The following LINGO2 variants were observed in gnomAD, a reference collection of about 807,000 sequenced individuals.
The protein encoded by LINGO2 is leucine-rich repeat and immunoglobulin-like domain-containing nogo receptor-interacting protein 2.
In LINGO2, 14 loss-of-function variants were observed where a neutral mutation model predicts 30.6. The observed-to-expected ratio is 0.46, with a 90% CI of 0.30 to 0.72. The LOEUF (loss-of-function observed/expected upper bound fraction) is 0.72, where lower values mean the gene tolerates loss of function less well. Ranked by LOEUF, LINGO2 falls within the 30% of genes least tolerant of loss-of-function variation. LINGO2 has a pLI of 0.07. For synonymous variants in LINGO2, 317 were observed against 288.5 expected (o/e 1.10, Z -1.00); for missense variants, 729 against 751.7 (o/e 0.97, Z 0.35).
chr9:28,861,082 TAATATA>T, the LINGO2 span, among the ~76,000 whole-genome samples: 6 of 123,242 alleles, frequency 4.9e-5, no homozygotes, highest in Admixed American at 4.1e-4. Flanking sequence ...TATAAATATA[TAATATA>T]AATTATATAA....
At chr9:28,094,894 C>T (rs181786218) in intron 4 of LINGO2, among the ~76,000 whole-genome samples, 1 of 152,136 alleles carries the variant, frequency 6.6e-6, no homozygotes, top group East Asian at 1.9e-4. Flanking sequence ...AAGCATAATG[C>T]ACTCTACATG....
chr9:29,109,738 G>T, the LINGO2 span, among the ~76,000 whole-genome samples: 2 of 152,160 alleles, frequency 1.3e-5, no homozygotes, highest in Non-Finnish European at 2.9e-5. Context: ...CTTTTGCAAC[G>T]CATAGAGTTA....
At chr9:29,033,398 A>ATATATATATATATC in the LINGO2 span, among the ~76,000 whole-genome samples, 2 of 149,764 alleles carry the variant, frequency 1.3e-5, no homozygotes, top group African/African-American at 4.9e-5. Flanking sequence ...ATATATATAT[A>ATATATATATATATC]TCTCTTCTAT....
the LINGO2 span, among the ~76,000 whole-genome samples, chr9:29,124,260 C>T: frequency 2.6e-4 from 39 of 152,028 alleles, no homozygotes; most frequent in Admixed American, 2.0e-3. Flanking sequence ...CAAAAATTAA[C>T]TCAAGATGGA....
At chr9:28,338,872 T>C (rs1825674386) in intron 3 of LINGO2, among the ~76,000 whole-genome samples, 2 of 152,086 alleles carry the variant, frequency 1.3e-5, no homozygotes, top group Admixed American at 1.3e-4. Flanking sequence ...GGTAACTTTA[T>C]TAGCAGTGTG....
chr9:28,842,074 A>AGGACATATGAAACTGAACTC, the LINGO2 span, among the ~76,000 whole-genome samples: 1 of 150,978 alleles, frequency 6.6e-6, no homozygotes, highest in Non-Finnish European at 1.5e-5. Context: ...AAACTGAACT[A>AGGACATATGAAACTGAACTC]AGACAAATGA....
chr9:29,089,873 C>T, the LINGO2 span, among the ~76,000 whole-genome samples: 12 of 151,862 alleles, frequency 7.9e-5, no homozygotes, highest in Non-Finnish European at 1.6e-4. Context: ...ATGTAAACCC[C>T]GTGAGAAAAA....
chr9:29,047,468 A>G, the LINGO2 span, among the ~76,000 whole-genome samples: 2 of 152,136 alleles, frequency 1.3e-5, no homozygotes, highest in Non-Finnish European at 2.9e-5. Flanking sequence ...ACCGTTGTGA[A>G]AAGCTCTCAA....
chr9:28,616,670 G>T (rs1826143764), intron 1 of LINGO2, among the ~76,000 whole-genome samples: 1 of 152,108 alleles, frequency 6.6e-6, no homozygotes, highest in East Asian at 1.9e-4. Flanking sequence ...GACAGAACTG[G>T]AAAAAAATGC....
At chr9:28,005,422 G>T (rs181075033) in intron 5 of LINGO2, among the ~76,000 whole-genome samples, 1 of 152,030 alleles carries the variant, frequency 6.6e-6, no homozygotes, top group African/African-American at 2.4e-5. Context: ...TTTTCTCAGG[G>T]CCTCATTTTA....
the LINGO2 span, among the ~76,000 whole-genome samples, chr9:28,794,444 C>T: frequency 6.6e-6 from 1 of 152,170 alleles, no homozygotes; most frequent in Non-Finnish European, 1.5e-5. Flanking sequence ...ATCTGCAGAT[C>T]AATGCAAGCA....
intron 2 of LINGO2, among the ~76,000 whole-genome samples, chr9:28,467,918 AT>A (rs1825376600): frequency 1.3e-5 from 2 of 152,166 alleles, no homozygotes; most frequent in Non-Finnish European, 2.9e-5. Context: ...ATTATTTCCA[AT>A]GCTGAAATCA....
chr9:28,152,914 C>G (rs1433245454), intron 4 of LINGO2, among the ~76,000 whole-genome samples: 1 of 152,070 alleles, frequency 6.6e-6, no homozygotes, highest in African/African-American at 2.4e-5. Context: ...ACAACATAAA[C>G]TGATGGGCAA....
At chr9:28,056,280 T>G (rs948971488) in intron 4 of LINGO2, among the ~76,000 whole-genome samples, 16 of 152,140 alleles carry the variant, frequency 1.1e-4, no homozygotes, top group Admixed American at 8.5e-4. Context: ...CGGCATTCCT[T>G]CTGGGTGGCA....
Position 28,650,928 on chromosome 9 carries a change from C to T in LINGO2, c.-365+19272G>A, listed in dbSNP as rs112079000. On this transcript the variant is annotated intron_variant, in intron 1 of 5. Coordinates refer to ENST00000379992, the Ensembl canonical transcript of LINGO2. The stretch of plus-strand genomic sequence containing the variant: ...AATTATGGCTGGATGCGATGGCTTA[C>T]GCCTGTAATCCCAGCACTTTGGGAG... 9.5e-3 allele frequency among the ~76,000 whole-genome samples: 1,444 copies of T among 152,198 alleles called. 21 individuals carry two copies. The highest frequency in any genetic ancestry group is 0.033 in the African/African-American group (1,384 of 41,540).
chr9:28,799,207 C>T, the LINGO2 span, among the ~76,000 whole-genome samples: 1 of 151,934 alleles, frequency 6.6e-6, no homozygotes, highest in African/African-American at 2.4e-5. Flanking sequence ...TGGCAATGAA[C>T]CAGTATGTCA....
chr9:28,527,035 C>T (rs1821063997), intron 1 of LINGO2, among the ~76,000 whole-genome samples: 1 of 152,132 alleles, frequency 6.6e-6, no homozygotes, highest in Admixed American at 6.6e-5. Context: ...CTAAATCACT[C>T]TGGAAGACGA....
chr9:28,619,406 T>A (rs957109937), intron 1 of LINGO2, among the ~76,000 whole-genome samples: 1 of 152,170 alleles, frequency 6.6e-6, no homozygotes, highest in Admixed American at 6.5e-5. Flanking sequence ...CACTTGCTGA[T>A]GAGCTTCAGA....
intron 4 of LINGO2, among the ~76,000 whole-genome samples, chr9:28,257,837 A>C (rs1822432639): frequency 6.6e-6 from 1 of 151,886 alleles, no homozygotes; most frequent in South Asian, 2.1e-4. Flanking sequence ...GTTCCAATAC[A>C]TCATTTAGTG....
Sources: allele counts gnomAD v4.1 joint callset (sites outside exome capture counted in the v4.1 genomes callset), GRCh38; gene constraint gnomAD v4.1.1; transcripts MANE v1.5; gene names NCBI Gene and HGNC (gene_info 2026-07-23, HGNC 2026-07-21).